CYREN: variants seen among roughly 807,000 people sequenced by gnomAD.
CYREN encodes the protein cell cycle regulator of non-homologous end joining.
Under a neutral mutation model 9.7 loss-of-function variants are expected in CYREN, and 7 were observed. The ratio of observed to expected loss-of-function variants is 0.72; its 90% CI spans 0.41 to 1.36. The LOEUF is 1.36. CYREN is among the 40% of genes most tolerant of loss of function. The pLI, the probability that CYREN is intolerant of heterozygous loss-of-function variation, is 0.01. For missense variants in CYREN, 215 were observed against 198.1 expected (o/e 1.09, Z -0.51); for synonymous variants, 76 against 77.9 (o/e 0.98, Z 0.13).
intron 2 of CYREN, among the ~76,000 whole-genome samples, chr7:135,139,331 C>A (rs1219070919): frequency 6.6e-6 from 1 of 151,488 alleles, no homozygotes; most frequent in Non-Finnish European, 1.5e-5. Flanking sequence ...TTTATCTAAT[C>A]ATTAGTGATG....
At chr7:135,095,753 A>G (rs1221860999) in intron 2 of CYREN, among the ~76,000 whole-genome samples, 2 of 152,180 alleles carry the variant, frequency 1.3e-5, no homozygotes, top group Non-Finnish European at 2.9e-5. Context: ...GTTGGCAACC[A>G]TGATTTTTGC....
At chr7:135,165,613 G>A (rs1184001368), downstream of CYREN, 1 of 167,432 alleles carries the variant, frequency 6.0e-6, no homozygotes, top group Non-Finnish European at 1.5e-5. Flanking sequence ...AAGCTTCCCT[G>A]GACCTGAAGC....
At chr7:135,118,852 T>A (rs1026118498) in intron 2 of CYREN, among the ~76,000 whole-genome samples, 1 of 152,010 alleles carries the variant, frequency 6.6e-6, no homozygotes, top group Non-Finnish European at 1.5e-5. Context: ...ATTTTTGAAT[T>A]GAAAAATACC....
chr7:135,094,637 G>A (rs953503656), intron 2 of CYREN: 2 of 422,946 alleles, frequency 4.7e-6, no homozygotes, highest in South Asian at 1.7e-5. Context: ...AGCATTCTCC[G>A]TAACAAGGGC....
downstream of CYREN, among the ~76,000 whole-genome samples, chr7:135,163,559 T>G (rs373893068): frequency 6.6e-6 from 1 of 152,106 alleles, no homozygotes. Flanking sequence ...GCAGGAGACT[T>G]GCTTGACCCC....
At chr7:135,160,978 A>G (rs1829921884), downstream of CYREN, among the ~76,000 whole-genome samples, 1 of 152,222 alleles carries the variant, frequency 6.6e-6, no homozygotes, top group African/African-American at 2.4e-5. Flanking sequence ...ATGTATTCAT[A>G]CACAGCCTGA....
At chr7:135,167,000 C>A in intron 3 of CYREN, 129 bp from the exon 4 acceptor site, 1 of 1,492,710 alleles carries the variant, frequency 6.7e-7, no homozygotes, top group East Asian at 2.3e-5. Context: ...GCAATGTACC[C>A]ATATCCTGAG....
intron 2 of CYREN, chr7:135,115,374 C>G: frequency 6.5e-7 from 1 of 1,537,938 alleles, no homozygotes; most frequent in Middle Eastern, 1.7e-4. Context: ...TGTGGTTGCT[C>G]CCCAGATCTG....
intron 2 of CYREN, among the ~76,000 whole-genome samples, chr7:135,152,297 A>G (rs995740719): frequency 1.8e-4 from 27 of 152,226 alleles, no homozygotes; most frequent in African/African-American, 5.5e-4. Context: ...CACTACGTCA[A>G]ATGGGAACAG....
chr7:135,141,614 T>C (rs1025922142), intron 2 of CYREN, among the ~76,000 whole-genome samples: 2 of 152,174 alleles, frequency 1.3e-5, no homozygotes, highest in African/African-American at 2.4e-5. Context: ...GGTTCACTCC[T>C]GTTTTTCTAG....
At chr7:135,155,764 T>C (rs934600115) in intron 2 of CYREN, among the ~76,000 whole-genome samples, 7 of 152,210 alleles carry the variant, frequency 4.6e-5, no homozygotes, top group African/African-American at 7.2e-5. Flanking sequence ...GGCAGGAAGA[T>C]TGCTTGAGCC....
intron 2 of CYREN, among the ~76,000 whole-genome samples, chr7:135,133,246 A>G (rs1829045686): frequency 6.6e-6 from 1 of 152,220 alleles, no homozygotes; most frequent in South Asian, 2.1e-4. Flanking sequence ...CAGGGTTTCT[A>G]TGCTGAAAAG....
chr7:135,113,537 G>C (rs12707214), intron 2 of CYREN, among the ~76,000 whole-genome samples: 67,217 of 152,024 alleles, frequency 0.44, 15,514 homozygotes, highest in East Asian at 0.78. Flanking sequence ...CTCTTATGCT[G>C]TCTACGGACC....
downstream of CYREN, among the ~76,000 whole-genome samples, chr7:135,161,238 C>T (rs1336920538): frequency 1.3e-5 from 2 of 152,202 alleles, no homozygotes; most frequent in Non-Finnish European, 2.9e-5. This position sits in a 1 kb window ranked among gnomAD's most constrained non-coding sequence, Gnocchi z 4.1. Flanking sequence ...AGGCTCCTGG[C>T]GTCTGGCAGG....
At chr7:135,106,647 T>C (rs960444961) in intron 2 of CYREN, among the ~76,000 whole-genome samples, 1 of 152,246 alleles carries the variant, frequency 6.6e-6, no homozygotes, top group Non-Finnish European at 1.5e-5. Context: ...GCATCAATGT[T>C]CACCAAGGAT....
At chr7:135,111,231 C>T (rs1825596444) in intron 2 of CYREN, among the ~76,000 whole-genome samples, 1 of 152,142 alleles carries the variant, frequency 6.6e-6, no homozygotes, top group Non-Finnish European at 1.5e-5. Flanking sequence ...GCTCTAGATC[C>T]CATGTCCATC....
At chr7:135,107,028 T>C (rs1422088020) in intron 2 of CYREN, among the ~76,000 whole-genome samples, 3 of 152,210 alleles carry the variant, frequency 2.0e-5, no homozygotes, top group Non-Finnish European at 2.9e-5. Context: ...TCTCTGATTA[T>C]TGTTTTACTG....
At chr7:135,163,495 AT>A (rs1287190690), downstream of CYREN, among the ~76,000 whole-genome samples, 1 of 151,658 alleles carries the variant, frequency 6.6e-6, no homozygotes, top group African/African-American at 2.4e-5. Context: ...AAATACAAAA[AT>A]TAGCCAGGCA....
chr7:135,148,250 T>C, intron 2 of CYREN: 7 of 388,430 alleles, frequency 1.8e-5, no homozygotes, highest in South Asian at 1.3e-4. Context: ...AGTGTTCCTG[T>C]GGTCTCTGCA....
Sources: gnomAD v4.1 joint callset for allele counts (sites outside exome capture counted in the v4.1 genomes callset) on GRCh38, gnomAD v4.1.1 for gene constraint, Gnocchi (gnomAD v3.1) non-coding constraint, MANE v1.5 for transcripts, NCBI Gene and HGNC (gene_info 2026-07-23, HGNC 2026-07-21) for gene names.